INPP4B: variants seen among roughly 807,000 people sequenced by gnomAD.
INPP4B encodes the protein inositol polyphosphate 4-phosphatase type II.
INPP4B carries 55 observed loss-of-function variants against 122.5 expected under a neutral mutation model. The observed-to-expected ratio is 0.45, with a 90% confidence interval of 0.36 to 0.56. INPP4B has a LOEUF of 0.56. Among genes scored for constraint, INPP4B ranks in the 20% least tolerant of loss-of-function variants. INPP4B has a pLI of 0.00. For synonymous variants in INPP4B, 403 were observed against 388.7 expected, an observed-to-expected ratio of 1.04 and a Z score of -0.43; for missense variants, 1,000 against 1,097.7, an observed-to-expected ratio of 0.91 and a Z score of 1.26.
chr4:142,242,671 C>T (rs1489140699), intron 11 of INPP4B, among the ~76,000 whole-genome samples: 1 of 152,184 alleles, frequency 6.6e-6, no homozygotes, highest in Non-Finnish European at 1.5e-5. Context: ...AGGAACCCCC[C>T]ACTTTCCTAA....
At chr4:142,401,947 A>C (rs1416381246) in intron 7 of INPP4B, among the ~76,000 whole-genome samples, 1 of 152,206 alleles carries the variant, frequency 6.6e-6, no homozygotes, top group Admixed American at 6.5e-5. Context: ...ATTTTTTTCC[A>C]TTAAATGTTC....
intron 2 of INPP4B, among the ~76,000 whole-genome samples, chr4:142,499,104 T>G (rs181960306): frequency 6.6e-6 from 1 of 152,286 alleles, no homozygotes; most frequent in Admixed American, 6.5e-5. Flanking sequence ...AGGACCTTTG[T>G]AGTTAGGTAA....
intron 2 of INPP4B, among the ~76,000 whole-genome samples, chr4:142,481,442 T>A (rs903281917): frequency 6.6e-6 from 1 of 152,144 alleles, no homozygotes; most frequent in Non-Finnish European, 1.5e-5. Context: ...GAGGAATCCC[T>A]CTAATGAGAC....
intron 14 of INPP4B, among the ~76,000 whole-genome samples, chr4:142,193,920 A>T (rs912990270): frequency 2.6e-5 from 4 of 152,276 alleles, no homozygotes; most frequent in African/African-American, 9.6e-5. Context: ...TCATTTTTAC[A>T]TTCTAATGCA....
chr4:142,114,812 T>C (rs72718438), intron 21 of INPP4B, among the ~76,000 whole-genome samples: 6,708 of 152,108 alleles, frequency 0.044, 223 homozygotes, highest in Non-Finnish European at 0.066. Context: ...TGGGTCTTGA[T>C]TTTTGTGTCA....
At chr4:142,471,870 T>TAC (rs145475720) in intron 2 of INPP4B, among the ~76,000 whole-genome samples, 14,520 of 150,600 alleles carry the variant, frequency 0.096, 810 homozygotes, top group East Asian at 0.19. Context: ...CTCCATAGTA[T>TAC]ACACACACAC....
At chr4:142,615,575 CT>C (rs1224260918) in intron 2 of INPP4B, among the ~76,000 whole-genome samples, 1 of 152,082 alleles carries the variant, frequency 6.6e-6, no homozygotes, top group Non-Finnish European at 1.5e-5. Flanking sequence ...GATTCAGTAT[CT>C]TACTGTCACG....
intron 18 of INPP4B, among the ~76,000 whole-genome samples, chr4:142,143,226 A>T (rs143260924): frequency 1.3e-3 from 202 of 152,226 alleles, no homozygotes; most frequent in African/African-American, 4.7e-3. Context: ...TCACAAACCA[A>T]CAGGCCCAAC....
chr4:142,557,656 T>C (rs1448383730), intron 2 of INPP4B, among the ~76,000 whole-genome samples: 1 of 152,134 alleles, frequency 6.6e-6, no homozygotes, highest in Non-Finnish European at 1.5e-5. Flanking sequence ...AACCCCAACA[T>C]GTCGGAAGTT....
At chr4:142,624,469 C>T (rs1442459071) in intron 2 of INPP4B, among the ~76,000 whole-genome samples, 1 of 151,940 alleles carries the variant, frequency 6.6e-6, no homozygotes, top group East Asian at 1.9e-4. Context: ...TGGATATTAG[C>T]CCTTTGTCAG....
chr4:142,210,172 G>T (rs962340478), intron 12 of INPP4B, among the ~76,000 whole-genome samples: 12 of 152,136 alleles, frequency 7.9e-5, no homozygotes, highest in Non-Finnish European at 1.0e-4. Context: ...CATGAAACAT[G>T]CTAAATACCA....
At chr4:142,452,510 G>T (rs1814518920) in intron 3 of INPP4B, among the ~76,000 whole-genome samples, 1 of 152,138 alleles carries the variant, frequency 6.6e-6, no homozygotes, top group South Asian at 2.1e-4. Context: ...TTAAAATACG[G>T]GGGTAAAATG....
At chr4:142,259,787 T>G (rs1348307592) in intron 11 of INPP4B, among the ~76,000 whole-genome samples, 1 of 151,848 alleles carries the variant, frequency 6.6e-6, no homozygotes, top group Non-Finnish European at 1.5e-5. Flanking sequence ...TAAATTTTCT[T>G]TTTTTTTACT....
chr4:142,658,167 C>G (rs909306716), intron 2 of INPP4B, among the ~76,000 whole-genome samples: 1 of 152,216 alleles, frequency 6.6e-6, no homozygotes, highest in Non-Finnish European at 1.5e-5. Context: ...CTGTAACTCA[C>G]TGAACATTTT....
At chr4:142,186,922 T>C (rs1833427346) in intron 15 of INPP4B, among the ~76,000 whole-genome samples, 1 of 152,118 alleles carries the variant, frequency 6.6e-6, no homozygotes, top group Non-Finnish European at 1.5e-5. Flanking sequence ...AGCACTTTAC[T>C]CTCTCTCTAT....
intron 12 of INPP4B, among the ~76,000 whole-genome samples, chr4:142,233,929 C>A (rs1855550042): frequency 6.6e-6 from 1 of 152,094 alleles, no homozygotes; most frequent in Non-Finnish European, 1.5e-5. Context: ...TGAGCTCTTG[C>A]ATATGTAAGT....
At chr4:142,309,661 T>C (rs1006865810) in intron 8 of INPP4B, among the ~76,000 whole-genome samples, 8 of 152,154 alleles carry the variant, frequency 5.3e-5, no homozygotes, top group African/African-American at 1.9e-4. Context: ...CTAGGACAGG[T>C]GGCAATTCCC....
chr4:142,443,528 G>A (rs570730644), intron 3 of INPP4B, among the ~76,000 whole-genome samples: 49 of 152,090 alleles, frequency 3.2e-4, no homozygotes, highest in African/African-American at 8.4e-4. Flanking sequence ...TAGAGTGATC[G>A]GATCACTGAG....
intron 16 of INPP4B, among the ~76,000 whole-genome samples, chr4:142,168,650 G>A (rs762817323): frequency 4.6e-5 from 7 of 151,452 alleles, no homozygotes; most frequent in Admixed American, 2.6e-4. Flanking sequence ...AACTATTCCC[G>A]GGCCTGTGTG....
Sources: gnomAD v4.1 joint callset for allele counts (sites outside exome capture counted in the v4.1 genomes callset) on GRCh38, gnomAD v4.1.1 for gene constraint, MANE v1.5 for transcripts, NCBI Gene and HGNC (gene_info 2026-07-23, HGNC 2026-07-21) for gene names.